TIMM21: variants seen among roughly 807,000 people sequenced by gnomAD.
TIMM21 encodes translocase of inner mitochondrial membrane 21, also known as mitochondrial import inner membrane translocase subunit Tim21.
Under a neutral mutation model 27.7 loss-of-function variants are expected in TIMM21, and 30 were observed. The observed-to-expected ratio is 1.08, with a 90% CI of 0.81 to 1.47. The LOEUF is 1.47. Ranked by LOEUF, TIMM21 falls within the 40% of genes most tolerant of loss-of-function variation. TIMM21 has a pLI of 0.00. For missense variants in TIMM21, 292 were observed against 302.9 expected (o/e 0.96, Z 0.27); for synonymous variants, 121 against 114.4 (o/e 1.06, Z -0.37).
rs987365275 is a variant in TIMM21 at position 74,159,343 on chromosome 18, A to G, written c.*863A>G. The G allele has an allele frequency of 1.3e-5, 2 of 151,984 alleles. No homozygotes were observed. Among genetic ancestry groups the G allele is most frequent in the African/African-American group, 4.8e-5 (2 of 41,364 alleles). The allele number at this position is 151,984 out of a possible 1,614,324, so 9.4% of individuals were successfully genotyped here. A position where few individuals can be genotyped will look rare whatever the true frequency, so the allele number is the denominator to read the frequency against. ...AATATTTGCTGGGGATTTGGAAAAA[A>G]GTGACCTTCACTTACAAGATCCTGA... On this transcript the variant is annotated 3_prime_UTR_variant, in exon 6 of 6. Coordinates refer to ENST00000169551, the MANE Select transcript of TIMM21 (RefSeq NM_014177.3).
Position 74,151,941 on chromosome 18 carries a change from C to CG in TIMM21, c.301+2832_301+2833insG, listed in dbSNP as rs1024177228. On this transcript the variant is annotated intron_variant, in intron 1 of 5. Coordinates refer to ENST00000169551, the MANE Select transcript of TIMM21 (RefSeq NM_014177.3). ...AAGAAGCAGTGGTGTCTATGTTCCC[C>CG]CCCCCCCCGGGGGGACCTCCAGCTC... is the stretch of plus-strand genomic sequence containing the variant. Among the ~76,000 whole-genome samples, 38 of 144,716 alleles carry CG rather than the reference C, an allele frequency of 2.6e-4. 2 individuals are homozygous for CG. The highest frequency in any genetic ancestry group is 8.9e-4 in the African/African-American group (32 of 35,928). The allele number at this position is 144,716 out of a possible 152,430, so 94.9% of individuals were successfully genotyped here.
At chr18:74,151,751 T>C (rs760818767) in intron 1 of TIMM21, among the ~76,000 whole-genome samples, 4 of 152,192 alleles carry the variant, frequency 2.6e-5, no homozygotes, top group Non-Finnish European at 5.9e-5. Flanking sequence ...TCACTTTTAC[T>C]TAATGTGGAC....
chr18:74,152,984 G>A lies in TIMM21; in HGVS notation c.302-2161G>A, dbSNP rs1979852678. Among the ~76,000 whole-genome samples, 4 of 152,330 alleles carry A rather than the reference G, an allele frequency of 2.6e-5. No homozygotes were observed. The South Asian group carries it at 8.3e-4, about 32-fold the overall frequency. On this transcript the variant is annotated intron_variant, in intron 1 of 5. Coordinates refer to ENST00000169551, the MANE Select transcript of TIMM21 (RefSeq NM_014177.3). This position sits in a 1 kb window ranked among gnomAD's most constrained non-coding sequence, Gnocchi z 4.1. ...ATGGGCTGGTCCAGGGAAGTGCCGT[G>A]ACCTAAGTGAGGAAGCTCTCTTATG...
chr18:74,157,960 T>G, intron 3 of TIMM21, 54 bp from the exon 4 acceptor site: 3 of 1,578,504 alleles, frequency 1.9e-6, no homozygotes, highest in South Asian at 2.3e-5. Flanking sequence ...AAAAATTATT[T>G]CTTTAGAAGC....
In TIMM21 at chr18:74,148,774, A is replaced by T; in HGVS notation, c.-35A>T. 1 of 1,587,106 alleles carries T rather than the reference A, an allele frequency of 6.3e-7. No individual in the cohort carries two copies. Among genetic ancestry groups the T allele is most frequent in the Middle Eastern group, 1.7e-4 (1 of 5,742 alleles). On this transcript the variant is annotated 5_prime_UTR_variant, in exon 1 of 6. Coordinates refer to ENST00000169551, the MANE Select transcript of TIMM21 (RefSeq NM_014177.3). ...CCCTAAAGCTTTCCTAATTGTAGTT[A>T]GCATCGTCCCTAAGCGGAACGATTT...
chr18:74,149,560 A>G (rs779121824), intron 1 of TIMM21, among the ~76,000 whole-genome samples: 9 of 152,088 alleles, frequency 5.9e-5, no homozygotes, highest in Non-Finnish European at 1.2e-4. Context: ...TTTTTTTTTA[A>G]TGTCTTCATT....
At chr18:74,156,185 C>T (rs1389851454) in intron 3 of TIMM21, 1 of 398,576 alleles carries the variant, frequency 2.5e-6, no homozygotes. Context: ...ACTTCATTCA[C>T]CCTGAAAGAT....
chr18:74,148,945 A>G lies in TIMM21; in HGVS notation c.137A>G (p.Gln46Arg). The change falls in exon 1 of 6, where the codon CAA (glutamine) becomes CGA (arginine). Residue 46 changes from glutamine to arginine, a missense_variant. Physicochemically the swap from Gln to Arg is conservative, Grantham distance 43 (BLOSUM62 1). Coordinates refer to ENST00000169551, the MANE Select transcript of TIMM21 (RefSeq NM_014177.3). Reference sequence around the variant, plus strand: ...GAGCCCAGTTTGAGATGTGGGCTTCAATATCAAAAGAAAACGCTGCGACCT... The same window carrying G: ...GAGCCCAGTTTGAGATGTGGGCTTCGATATCAAAAGAAAACGCTGCGACCT... ...KTEPSLRCGL[Q>R]YQKKTLRPRC... 6.2e-7 allele frequency: 1 copy of G among 1,614,206 alleles called. No homozygotes were observed. The highest frequency in any genetic ancestry group is 1.1e-5 in the South Asian group (1 of 91,086).
At chr18:74,156,475 A>C (rs1979954091) in intron 3 of TIMM21, 1 of 393,470 alleles carries the variant, frequency 2.5e-6, no homozygotes, top group Non-Finnish European at 4.5e-6. Context: ...TGAGCTCTGG[A>C]CAGCCAGTGG....
intron 1 of TIMM21, 147 bp downstream of exon 1, chr18:74,149,256 A>T (rs1182557796): frequency 2.3e-6 from 2 of 854,406 alleles, no homozygotes; most frequent in African/African-American, 1.7e-5. Context: ...GAACTAGAAC[A>T]TATAGATCTA....
At position 74,154,325 on chromosome 18, in the gene TIMM21, T is replaced by G. The variant is rs891580856; in HGVS notation, c.302-820T>G. Among the ~76,000 whole-genome samples, 4 of 152,206 alleles carry G rather than the reference T, an allele frequency of 2.6e-5. No individual in the cohort carries two copies. In the East Asian group the frequency reaches 5.8e-4, roughly 22 times the overall value. On this transcript the variant is annotated intron_variant, in intron 1 of 5. Transcript: ENST00000169551. ...CGCCCAGGCCGTAGTGCAGTGGCGC[T>G]ATCTTGGCTCACTGCAAGCTCCGCC...
At position 74,155,630 on chromosome 18, in the gene TIMM21, G is replaced by T. The variant is rs555191686; in HGVS notation, c.462+227G>T. 15 of 485,074 alleles carry T rather than the reference G, an allele frequency of 3.1e-5. 1 individual carries two copies. In the South Asian group the frequency reaches 6.3e-4, roughly 20 times the overall value. 30.0% of individuals were successfully genotyped at this position (485,074 alleles called of 1,614,324 possible). A position where few individuals can be genotyped will look rare whatever the true frequency, so the allele number is the denominator to read the frequency against. On this transcript the variant is annotated intron_variant, in intron 3 of 5. Coordinates refer to ENST00000169551, the MANE Select transcript of TIMM21 (RefSeq NM_014177.3). ...ATTGTACAAGACAGTCATTTTGCTG[G>T]TTGTTCATAGATACTAAATTTTTAG...
intron 1 of TIMM21, among the ~76,000 whole-genome samples, chr18:74,151,092 G>A (rs1379042705): frequency 6.6e-6 from 1 of 152,182 alleles, no homozygotes; most frequent in Non-Finnish European, 1.5e-5. Context: ...GGTGATGGAG[G>A]GCGGTCAGGG....
At chr18:74,155,713 T>G (rs1029433399) in intron 3 of TIMM21, among the ~76,000 whole-genome samples, 31 of 152,238 alleles carry the variant, frequency 2.0e-4, no homozygotes, top group African/African-American at 7.5e-4. Context: ...GCCTGATGCA[T>G]GACCTCATGG....
rs1192301853 is a variant in TIMM21, at chr18:74,158,295, G to T, written c.642+19G>T. ...GAAAGAGGTGTGGGAATCATGGGAT[G>T]TGGGGTCAGAGGTTCTGAGCGCGGT... On this transcript the variant is annotated intron_variant, in intron 5 of 5. Transcript: ENST00000169551. The T allele has an allele frequency of 6.2e-7, 1 of 1,613,680 alleles. No individual in the cohort carries two copies. The highest frequency in any genetic ancestry group is 1.1e-5 in the South Asian group (1 of 91,064).
In TIMM21 at chr18:74,160,144, C is replaced by T. The variant is rs1266851360; in HGVS notation, c.*1664C>T. 3 of 151,760 alleles carry T rather than the reference C, an allele frequency of 2.0e-5. No individual in the cohort carries two copies. The highest frequency in any genetic ancestry group is 7.3e-5 in the African/African-American group (3 of 41,308). The allele number at this position is 151,760 out of a possible 1,614,324, so 9.4% of individuals were successfully genotyped here. A position where few individuals can be genotyped will look rare whatever the true frequency, so the allele number is the denominator to read the frequency against. Reference sequence around the variant, plus strand: ...GACCAGCCTGGCCAACATGGTGAAACCCTATCTACTAAAAATTCAAAAAAA... The same window carrying T: ...GACCAGCCTGGCCAACATGGTGAAATCCTATCTACTAAAAATTCAAAAAAA... On this transcript the variant is annotated 3_prime_UTR_variant, in exon 6 of 6. Coordinates refer to ENST00000169551, the MANE Select transcript of TIMM21 (RefSeq NM_014177.3).
chr18:74,149,644 A>AT (rs58258335), intron 1 of TIMM21, among the ~76,000 whole-genome samples: 13,335 of 152,214 alleles, frequency 0.088, 1,077 homozygotes, highest in African/African-American at 0.21. Flanking sequence ...GAAGATGACT[A>AT]TTTTTAACAT....
chr18:74,151,230 G>A (rs77643318), intron 1 of TIMM21, among the ~76,000 whole-genome samples: 6,714 of 152,254 alleles, frequency 0.044, 207 homozygotes, highest in East Asian at 0.12. Flanking sequence ...CAGTAAATGC[G>A]TTCCAGGTCT....
chr18:74,155,711 C>A (rs1979933355), intron 3 of TIMM21, among the ~76,000 whole-genome samples: 1 of 152,192 alleles, frequency 6.6e-6, no homozygotes, highest in African/African-American at 2.4e-5. Context: ...AAGCCTGATG[C>A]ATGACCTCAT....
Sources: gnomAD v4.1 joint callset for allele counts (sites outside exome capture counted in the v4.1 genomes callset) on GRCh38, gnomAD v4.1.1 for gene constraint, Gnocchi (gnomAD v3.1) non-coding constraint, MANE v1.5 for transcripts, NCBI Gene and HGNC (gene_info 2026-07-23, HGNC 2026-07-21) for gene names.